ELMOD1: variants seen among roughly 807,000 people sequenced by gnomAD.
ELMOD1 encodes the protein ELMO domain containing 1.
Under a neutral mutation model 46.7 loss-of-function variants are expected in ELMOD1, and 21 were observed. The ratio of observed to expected loss-of-function variants is 0.45; its 90% CI spans 0.32 to 0.65. The LOEUF (loss-of-function observed/expected upper bound fraction) is 0.65. ELMOD1 is among the 30% of genes least tolerant of loss of function. ELMOD1 has a pLI of 0.04. For synonymous variants in ELMOD1, 122 were observed against 138.2 expected, an observed-to-expected ratio of 0.88 and a Z score of 0.82; for missense variants, 348 against 407.8, an observed-to-expected ratio of 0.85 and a Z score of 1.26.
intron 1 of ELMOD1, among the ~76,000 whole-genome samples, chr11:107,615,428 T>A (rs2135670928): frequency 6.6e-6 from 1 of 151,944 alleles, no homozygotes; most frequent in East Asian, 1.9e-4. Context: ...AGAGACGGGG[T>A]TTCACCATGT....
At chr11:107,656,909 A>T (rs1866644408) in intron 11 of ELMOD1, among the ~76,000 whole-genome samples, 1 of 152,242 alleles carries the variant, frequency 6.6e-6, no homozygotes, top group South Asian at 2.1e-4. Flanking sequence ...AATAGAAAAT[A>T]AAAAAGGTTG....
At chr11:107,655,776 G>A (rs1472239222) in intron 10 of ELMOD1, among the ~76,000 whole-genome samples, 157 bp from the exon 11 acceptor site, 1 of 151,858 alleles carries the variant, frequency 6.6e-6, no homozygotes. Context: ...CAGAACTGAG[G>A]GTTCTTCCCC....
At chr11:107,654,787 AG>A (rs1455077284) in intron 10 of ELMOD1, among the ~76,000 whole-genome samples, 1 of 151,462 alleles carries the variant, frequency 6.6e-6, no homozygotes, top group African/African-American at 2.4e-5. Context: ...AAAAAAAAAA[AG>A]AATTGTGTTT....
chr11:107,646,241 A>G (rs895983798), intron 6 of ELMOD1, among the ~76,000 whole-genome samples: 2 of 152,230 alleles, frequency 1.3e-5, no homozygotes, highest in African/African-American at 2.4e-5. Flanking sequence ...GAACCAGCTT[A>G]TTAAGCAGTA....
intron 11 of ELMOD1, among the ~76,000 whole-genome samples, chr11:107,662,386 G>A (rs1002952721): frequency 8.5e-5 from 13 of 152,148 alleles, no homozygotes; most frequent in Admixed American, 3.3e-4. Flanking sequence ...TGAGGCGGGC[G>A]GATCACTTGA....
Position 107,655,423 on chromosome 11 carries a change from A to G in ELMOD1, c.699-510A>G, listed in dbSNP as rs145010224. On this transcript the variant is annotated intron_variant, in intron 10 of 11. Coordinates refer to ENST00000265840, the MANE Select transcript of ELMOD1 (RefSeq NM_018712.4). ...TTTGGAAATAGAAAGGTCAAAGTAT[A>G]TGAACTACCAATTCTCGTGATACTC... Among the ~76,000 whole-genome samples the G allele has an allele frequency of 7.9e-3, 1,207 of 152,272 alleles. 8 individuals carry two copies. The highest frequency in any genetic ancestry group is 0.014 in the Non-Finnish European group (938 of 68,016).
At chr11:107,663,110 G>A (rs1011676382) in intron 11 of ELMOD1, among the ~76,000 whole-genome samples, 95 of 152,214 alleles carry the variant, frequency 6.2e-4, no homozygotes, top group African/African-American at 2.0e-3. Flanking sequence ...AAGCCTGAAT[G>A]CTGCCTCCGG....
At chr11:107,640,824 A>G (rs1163045022) in intron 6 of ELMOD1, among the ~76,000 whole-genome samples, 1 of 152,214 alleles carries the variant, frequency 6.6e-6, no homozygotes, top group Non-Finnish European at 1.5e-5. Context: ...CTGCATTTGA[A>G]TCATTATTAG....
intron 10 of ELMOD1, among the ~76,000 whole-genome samples, chr11:107,654,694 G>A (rs1033616886): frequency 6.6e-6 from 1 of 151,748 alleles, no homozygotes; most frequent in Non-Finnish European, 1.5e-5. Flanking sequence ...GTGTGAACCT[G>A]GGAGGCGGAG....
At position 107,626,886 on chromosome 11, in the gene ELMOD1, G is replaced by A. The variant is rs75428360; in HGVS notation, c.18-3531G>A. Among the ~76,000 whole-genome samples the A allele has an allele frequency of 8.8e-3, 1,340 of 152,194 alleles. 22 individuals are homozygous for A. The highest frequency in any genetic ancestry group is 0.03 in the African/African-American group (1,248 of 41,534). ...AAATTATTTAAGAAGTGAGCTTCTG[G>A]CAGTATTTGATGGTGAACAGCCAGC... On this transcript the variant is annotated intron_variant, in intron 2 of 11. Coordinates refer to ENST00000265840, the MANE Select transcript of ELMOD1 (RefSeq NM_018712.4).
chr11:107,645,464 T>C (rs1271502941), intron 6 of ELMOD1, among the ~76,000 whole-genome samples: 6 of 152,020 alleles, frequency 3.9e-5, no homozygotes, highest in African/African-American at 1.5e-4. Context: ...GTTGGGATTA[T>C]AGGCGCGGGC....
intron 5 of ELMOD1, among the ~76,000 whole-genome samples, chr11:107,634,475 A>G (rs1018150121): frequency 6.6e-6 from 1 of 152,216 alleles, no homozygotes; most frequent in African/African-American, 2.4e-5. Context: ...GCAGTGGCTC[A>G]TGCCTGTAAT....
At chr11:107,611,622 G>A (rs908816211) in intron 1 of ELMOD1, among the ~76,000 whole-genome samples, 5 of 150,054 alleles carry the variant, frequency 3.3e-5, no homozygotes, top group African/African-American at 9.8e-5. Flanking sequence ...GGAGAATGGC[G>A]TGAACCTGGG....
At chr11:107,636,052 T>C (rs914332140) in intron 6 of ELMOD1, among the ~76,000 whole-genome samples, 3 of 152,230 alleles carry the variant, frequency 2.0e-5, no homozygotes, top group African/African-American at 7.2e-5. Flanking sequence ...TTAAGTTTAG[T>C]TTGTTTAACA....
chr11:107,662,848 G>A (rs376551795), intron 11 of ELMOD1, among the ~76,000 whole-genome samples: 4 of 151,786 alleles, frequency 2.6e-5, no homozygotes, highest in East Asian at 3.9e-4. Flanking sequence ...GCTGAGATTC[G>A]CCACTGTGCT....
intron 1 of ELMOD1, among the ~76,000 whole-genome samples, chr11:107,599,753 A>AAAAAAAG (rs1258784253): frequency 2.2e-5 from 3 of 134,426 alleles, no homozygotes; most frequent in Non-Finnish European, 4.6e-5. Flanking sequence ...AAAAAAAAAG[A>AAAAAAAG]AAAAAAGAAA....
intron 6 of ELMOD1, among the ~76,000 whole-genome samples, chr11:107,644,748 A>C (rs538189455): frequency 1.8e-3 from 269 of 152,222 alleles, no homozygotes; most frequent in African/African-American, 6.1e-3. Context: ...TGCTGGGATT[A>C]CAGGCGTAAG....
chr11:107,595,153 G>GTT (rs11358593), intron 1 of ELMOD1, among the ~76,000 whole-genome samples: 2 of 145,648 alleles, frequency 1.4e-5, no homozygotes, highest in African/African-American at 2.5e-5. Flanking sequence ...CAATAAATCT[G>GTT]TTTTTTTTTT....
At chr11:107,641,675 A>T (rs951653640) in intron 6 of ELMOD1, among the ~76,000 whole-genome samples, 3 of 152,188 alleles carry the variant, frequency 2.0e-5, no homozygotes, top group African/African-American at 7.2e-5. Context: ...GCAGGAAGGT[A>T]AATCCTGTCC....
Sources: allele counts gnomAD v4.1 joint callset (sites outside exome capture counted in the v4.1 genomes callset), GRCh38; gene constraint gnomAD v4.1.1; transcripts MANE v1.5; gene names NCBI Gene and HGNC (gene_info 2026-07-23, HGNC 2026-07-21).